Variants in MORC3 observed in about 807,000 individuals in gnomAD.
The protein encoded by MORC3 is MORC family CW-type zinc finger protein 3.
Under a neutral mutation model 109.1 loss-of-function variants are expected in MORC3, and 31 were observed. The observed-to-expected ratio is 0.28, with a 90% CI of 0.21 to 0.38. MORC3 has a LOEUF of 0.38. Ranked by LOEUF, MORC3 falls within the 10% of genes least tolerant of loss-of-function variation. The pLI, the probability that MORC3 is intolerant of heterozygous loss-of-function variation, is 1.00. For missense variants in MORC3, 867 were observed against 1,135.8 expected (o/e 0.76, Z 3.40); for synonymous variants, 395 against 380.7 (o/e 1.04, Z -0.44).
Position 36,359,611 on chromosome 21 carries a change from G to T in MORC3, c.1209-344G>T, listed in dbSNP as rs137936342. On this transcript the variant is annotated intron_variant, in intron 10 of 16. Transcript: ENST00000400485. ...GGATCTTACTCTGTAGCCTAGGCTG[G>T]AGGTCAGTAGCATGATTTTGCAACC... Among the ~76,000 whole-genome samples the T allele has an allele frequency of 5.1e-3, 714 of 140,642 alleles. 6 individuals are homozygous for T. Among genetic ancestry groups the T allele is most frequent in the African/African-American group, 0.018 (661 of 36,104 alleles). The allele number at this position is 140,642 out of a possible 152,430, so 92.3% of individuals were successfully genotyped here.
chr21:36,345,190 T>C (rs898218594), intron 8 of MORC3, among the ~76,000 whole-genome samples, 159 bp downstream of exon 8: 3 of 152,050 alleles, frequency 2.0e-5, no homozygotes, highest in African/African-American at 7.2e-5. Flanking sequence ...ATTTGAACTT[T>C]TATTAACTCC....
intron 1 of MORC3, among the ~76,000 whole-genome samples, chr21:36,332,294 T>C (rs1222366944): frequency 1.3e-5 from 2 of 150,544 alleles, no homozygotes; most frequent in African/African-American, 2.4e-5. Flanking sequence ...AAATTAGCCA[T>C]GTGTGGTGGT....
intron 6 of MORC3, 21 bp downstream of exon 6, chr21:36,341,567 G>T (rs142868417): frequency 6.2e-7 from 1 of 1,613,140 alleles, no homozygotes; most frequent in East Asian, 2.2e-5. Flanking sequence ...AGCTCTCTTT[G>T]TGGAAGTGAG....
intron 1 of MORC3, among the ~76,000 whole-genome samples, chr21:36,323,872 C>A (rs2085219068): frequency 6.6e-6 from 1 of 151,620 alleles, no homozygotes; most frequent in African/African-American, 2.4e-5. Context: ...CTTGCTCTTA[C>A]CATAGTGTTT....
At chr21:36,338,676 A>G in intron 4 of MORC3, 98 bp from the exon 5 acceptor site, 1 of 1,181,300 alleles carries the variant, frequency 8.5e-7, no homozygotes, top group Non-Finnish European at 1.2e-6. Flanking sequence ...AAAATTATTT[A>G]TAAATAGTTT....
chr21:36,345,196 A>ACTCCCCTCCC (rs147413549), intron 8 of MORC3, among the ~76,000 whole-genome samples, 165 bp downstream of exon 8: 1 of 147,162 alleles, frequency 6.8e-6, no homozygotes, highest in African/African-American at 2.5e-5. Context: ...ACTTTTATTA[A>ACTCCCCTCCC]CTCCCCTCCC....
chr21:36,329,596 A>G (rs2085290969), intron 1 of MORC3, among the ~76,000 whole-genome samples: 1 of 152,212 alleles, frequency 6.6e-6, no homozygotes. Context: ...TCTTCCAACC[A>G]TTTTAATGGA....
chr21:36,351,530 T>C (rs1457733517), intron 9 of MORC3, among the ~76,000 whole-genome samples: 1 of 152,208 alleles, frequency 6.6e-6, no homozygotes, highest in Non-Finnish European at 1.5e-5. Flanking sequence ...ACATGAGATA[T>C]TTGTCTTTCT....
At chr21:36,361,513 C>T (rs1173167633) in intron 12 of MORC3, among the ~76,000 whole-genome samples, 3 of 124,922 alleles carry the variant, frequency 2.4e-5, no homozygotes, top group African/African-American at 9.5e-5. Context: ...TGCATTCCAG[C>T]CTGGGCGACA....
chr21:36,338,352 A>G (rs1016054457), intron 4 of MORC3, among the ~76,000 whole-genome samples: 3 of 152,182 alleles, frequency 2.0e-5, no homozygotes, highest in Non-Finnish European at 4.4e-5. Flanking sequence ...CTTATTTTTT[A>G]TTCTTCTTCT....
chr21:36,369,181 C>G lies in MORC3; in HGVS notation c.1813C>G (p.Gln605Glu). 6.2e-7 allele frequency: 1 copy of G among 1,614,074 alleles called. No individual in the cohort carries two copies. The highest frequency in any genetic ancestry group is 8.5e-7 in the Non-Finnish European group (1 of 1,180,026). ...DMKSEQSHVE[Q>E]GGVQVEFVGD... ...GAAATCAGAACAGAGTCACGTTGAG[C>G]AAGGTGGTGTTCAGGTTGAGTTTGT... The change falls in exon 15 of 17, where the codon CAA becomes GAA. Residue 605 changes from glutamine (Q) to glutamate (E), a missense_variant. Gln to Glu is a conservative substitution (Grantham distance 29, BLOSUM62 2). Around this residue, in one of 7 missense-constraint regions of MORC3, gnomAD observed 486 missense variants for 502.1 expected, o/e 0.97. Coordinates refer to ENST00000400485, the MANE Select transcript of MORC3 (RefSeq NM_015358.3).
chr21:36,350,533 A>G (rs950292520), intron 9 of MORC3, among the ~76,000 whole-genome samples: 1 of 119,418 alleles, frequency 8.4e-6, no homozygotes, highest in Non-Finnish European at 1.7e-5. Context: ...GACAGAAGAC[A>G]CCCTGCCTCA....
chr21:36,320,378 G>C, intron 1 of MORC3, 75 bp downstream of exon 1: 3 of 1,258,912 alleles, frequency 2.4e-6, no homozygotes, highest in South Asian at 2.6e-5. Flanking sequence ...GCCGGCAGTG[G>C]GCGGTGGCGG....
At chr21:36,334,934 C>G (rs569534392) in intron 2 of MORC3, among the ~76,000 whole-genome samples, 1 of 152,110 alleles carries the variant, frequency 6.6e-6, no homozygotes, top group African/African-American at 2.4e-5. Flanking sequence ...AGTTGGGGCC[C>G]ACCCTGAGAA....
Position 36,339,077 on chromosome 21 carries a change from T to G in MORC3, c.608+156T>G, listed in dbSNP as rs986616898. On this transcript the variant is annotated intron_variant, in intron 5 of 16. Coordinates refer to ENST00000400485, the MANE Select transcript of MORC3 (RefSeq NM_015358.3). ...ATTTGTCTTTGCCCAGGATATGTTA[T>G]AGAGGCCATTTCAGCTTCAATTTGA... 4.8e-6 allele frequency: 4 copies of G among 825,674 alleles called. No individual in the cohort carries two copies. The African/African-American group carries it at 5.3e-5, about 11-fold the overall frequency. The allele number at this position is 825,674 out of a possible 1,614,324, so 51.1% of individuals were successfully genotyped here.
chr21:36,322,642 G>A (rs547329802), intron 1 of MORC3, among the ~76,000 whole-genome samples: 23 of 152,152 alleles, frequency 1.5e-4, no homozygotes, highest in Non-Finnish European at 2.1e-4. Context: ...AAAGCACTGC[G>A]ATTACAGGCC....
At chr21:36,329,723 A>G (rs2085292273) in intron 1 of MORC3, among the ~76,000 whole-genome samples, 2 of 152,190 alleles carry the variant, frequency 1.3e-5, no homozygotes, top group Non-Finnish European at 2.9e-5. Context: ...ATCACATAAC[A>G]AGGAAAGAAA....
intron 9 of MORC3, 64 bp downstream of exon 9, chr21:36,349,472 A>G (rs879161423): frequency 1.9e-6 from 2 of 1,067,922 alleles, no homozygotes; most frequent in Middle Eastern, 2.7e-4. Context: ...GAAAGCAGGA[A>G]CTACTCTATT....
chr21:36,330,186 CT>C (rs907036063), intron 1 of MORC3, among the ~76,000 whole-genome samples: 2 of 149,424 alleles, frequency 1.3e-5, no homozygotes, highest in Non-Finnish European at 3.0e-5. Context: ...TGGCCATTCC[CT>C]TTTTTTTTTC....
Sources: gnomAD v4.1 joint callset for allele counts (sites outside exome capture counted in the v4.1 genomes callset) on GRCh38, gnomAD v4.1.1 for gene constraint, gnomAD v4.1.1 regional missense constraint, MANE v1.5 for transcripts, NCBI Gene and HGNC (gene_info 2026-07-23, HGNC 2026-07-21) for gene names.